TCF12: variants seen among roughly 807,000 people sequenced by gnomAD.
TCF12 encodes the protein transcription factor 12.
Under a neutral mutation model 86.0 loss-of-function variants are expected in TCF12, and 45 were observed. The ratio of observed to expected loss-of-function variants is 0.52; its 90% CI spans 0.41 to 0.67. TCF12 has a LOEUF of 0.67. Among genes scored for constraint, TCF12 ranks in the 30% least tolerant of loss-of-function variants. The probability of loss-of-function intolerance (pLI) is 0.00; values close to 1 mark genes in which losing one functional copy is unlikely to be tolerated. For synonymous variants in TCF12, 330 were observed against 299.6 expected (o/e 1.10, Z -1.05); for missense variants, 881 against 859.9 (o/e 1.02, Z -0.31).
rs79234304 is a variant in TCF12, at chr15:56,937,903, C to T, written c.148+16805C>T. 4.0e-3 allele frequency among the ~76,000 whole-genome samples: 612 copies of T among 152,034 alleles called. 18 individuals carry two copies. In the East Asian group the frequency reaches 0.08, roughly 20 times the overall value. On this transcript the variant is annotated intron_variant, in intron 3 of 20. Coordinates refer to ENST00000333725, the MANE Select transcript of TCF12 (RefSeq NM_207037.2). ...ATCCCTGTATCCCTGGTATGAAACT[C>T]GCTTGATCATGATGGATTATCTTTT...
chr15:57,195,600 C>G (rs150517187), intron 7 of TCF12, among the ~76,000 whole-genome samples: 2,531 of 152,294 alleles, frequency 0.017, 39 homozygotes, highest in Non-Finnish European at 0.023. Flanking sequence ...ATACTTCCCC[C>G]CTTTGCTGTT....
chr15:56,933,125 G>C (rs201147475), intron 3 of TCF12, among the ~76,000 whole-genome samples: 1 of 152,138 alleles, frequency 6.6e-6, no homozygotes, highest in Non-Finnish European at 1.5e-5. Context: ...TTACTTCATA[G>C]TATGGAAAAT....
chr15:57,041,010 G>A (rs2066861908), intron 3 of TCF12, among the ~76,000 whole-genome samples: 2 of 152,178 alleles, frequency 1.3e-5, no homozygotes, highest in Admixed American at 1.3e-4. Context: ...ATTAACTTAT[G>A]TGAATCTATG....
At chr15:57,208,487 A>T (rs2057958881) in intron 8 of TCF12, among the ~76,000 whole-genome samples, 1 of 137,588 alleles carries the variant, frequency 7.3e-6, no homozygotes, top group Non-Finnish European at 1.5e-5. Context: ...GGCTCAAGTG[A>T]TCCTCACACC....
intron 3 of TCF12, among the ~76,000 whole-genome samples, chr15:57,004,565 C>T (rs573504394): frequency 4.0e-4 from 61 of 152,234 alleles, no homozygotes; most frequent in African/African-American, 1.3e-3. Flanking sequence ...TGTTCCACCA[C>T]GCCCGGCTAA....
intron 2 of TCF12, 145 bp from the exon 3 acceptor site, chr15:56,920,881 C>A: frequency 1.8e-6 from 1 of 540,738 alleles, no homozygotes; most frequent in Non-Finnish European, 3.2e-6. Flanking sequence ...AGTGTATTTG[C>A]CTCTCTGGAT....
intron 16 of TCF12, 68 bp downstream of exon 16, chr15:57,253,536 T>C: frequency 6.4e-7 from 1 of 1,554,620 alleles, no homozygotes; most frequent in Non-Finnish European, 8.8e-7. Flanking sequence ...TTTAATGAAA[T>C]CTTTGGGAAG....
chr15:56,967,424 G>C (rs2062059091), intron 3 of TCF12, among the ~76,000 whole-genome samples: 1 of 152,156 alleles, frequency 6.6e-6, no homozygotes, highest in African/African-American at 2.4e-5. Flanking sequence ...TTAGCTTACT[G>C]ATTTGATGGT....
chr15:57,271,056 A>T (rs935605651), intron 18 of TCF12, among the ~76,000 whole-genome samples: 2 of 152,176 alleles, frequency 1.3e-5, no homozygotes, highest in Admixed American at 6.5e-5. Flanking sequence ...TCTCTCCATT[A>T]TCAGAGCTCG....
At chr15:57,142,957 T>C (rs1334925097) in intron 5 of TCF12, among the ~76,000 whole-genome samples, 2 of 152,192 alleles carry the variant, frequency 1.3e-5, no homozygotes, top group Non-Finnish European at 2.9e-5. Flanking sequence ...GATAGCACAA[T>C]GTGACTGCAT....
chr15:57,186,781 G>C (rs2056688855), intron 6 of TCF12, among the ~76,000 whole-genome samples: 1 of 152,152 alleles, frequency 6.6e-6, no homozygotes, highest in South Asian at 2.1e-4. Context: ...TTTTATTCCA[G>C]GAATGCAAGG....
chr15:57,042,016 A>G (rs938577032), intron 3 of TCF12, among the ~76,000 whole-genome samples: 1 of 152,216 alleles, frequency 6.6e-6, no homozygotes, highest in South Asian at 2.1e-4. Context: ...GTATGTTGGC[A>G]ACATATTTTA....
intron 3 of TCF12, among the ~76,000 whole-genome samples, chr15:56,967,626 A>G (rs2062069146): frequency 6.6e-6 from 1 of 152,232 alleles, no homozygotes; most frequent in Non-Finnish European, 1.5e-5. Context: ...AGGTATTAGT[A>G]CAAACCTAAA....
At chr15:57,107,107 A>G (rs1257282017) in intron 5 of TCF12, among the ~76,000 whole-genome samples, 2 of 152,242 alleles carry the variant, frequency 1.3e-5, no homozygotes, top group Non-Finnish European at 2.9e-5. Flanking sequence ...ACACAGTAAT[A>G]TGCACATAGA....
chr15:56,973,053 C>A (rs1265319206), intron 3 of TCF12, among the ~76,000 whole-genome samples: 2 of 151,874 alleles, frequency 1.3e-5, no homozygotes, highest in African/African-American at 4.8e-5. Flanking sequence ...GTAATAGAAG[C>A]CAGGTTTTTG....
rs1345642045 is a variant in TCF12, at chr15:57,238,737, C to T, written c.1035+4630C>T. On this transcript the variant is annotated intron_variant, in intron 12 of 20. Transcript: ENST00000333725. ...ATTGGGCACCTACTTTTACAAGATA[C>T]TGGCATACAATAATGGATTCAATGT... is the stretch of plus-strand genomic sequence containing the variant. Among the ~76,000 whole-genome samples the T allele has an allele frequency of 2.6e-5, 4 of 152,296 alleles. No homozygotes were observed. In the South Asian group the frequency reaches 6.2e-4, roughly 24 times the overall value.
Position 57,194,460 on chromosome 15 carries a change from C to G in TCF12, c.526+2167C>G, listed in dbSNP as rs373253278. On this transcript the variant is annotated intron_variant, in intron 7 of 20. Coordinates refer to ENST00000333725, the MANE Select transcript of TCF12 (RefSeq NM_207037.2). ...GTAAATGTCATTTAGTGGGTTCTTA[C>G]TACATTCTTTATGGCTGTTTCTCAT... 2.8e-3 allele frequency among the ~76,000 whole-genome samples: 423 copies of G among 152,230 alleles called. 1 individual carries two copies. The highest frequency in any genetic ancestry group is 9.7e-3 in the African/African-American group (401 of 41,544).
intron 3 of TCF12, among the ~76,000 whole-genome samples, chr15:56,977,918 C>G (rs757217482): frequency 6.6e-6 from 1 of 152,092 alleles, no homozygotes; most frequent in Non-Finnish European, 1.5e-5. Flanking sequence ...ATAGGGCAGA[C>G]AGAATTTGCA....
At chr15:56,926,888 C>A (rs1444445384) in intron 3 of TCF12, among the ~76,000 whole-genome samples, 2 of 152,044 alleles carry the variant, frequency 1.3e-5, no homozygotes, top group African/African-American at 4.8e-5. Flanking sequence ...AAGAATAGTG[C>A]CTAGCACATA....
Sources: allele counts gnomAD v4.1 joint callset (sites outside exome capture counted in the v4.1 genomes callset), GRCh38; gene constraint gnomAD v4.1.1; transcripts MANE v1.5; gene names NCBI Gene and HGNC (gene_info 2026-07-23, HGNC 2026-07-21).